Variants in GPNMB observed in about 807,000 individuals in gnomAD.
GPNMB encodes transmembrane glycoprotein NMB.
GPNMB carries 71 observed loss-of-function variants against 57.3 expected under a neutral mutation model. That is an observed-to-expected ratio of 1.24 (90% CI 1.02 to 1.51). GPNMB has a LOEUF of 1.51. GPNMB is among the 40% of genes most tolerant of loss of function. The probability of loss-of-function intolerance (pLI) is 0.00; values close to 1 mark genes in which losing one functional copy is unlikely to be tolerated. For synonymous variants in GPNMB, 253 were observed against 263.2 expected (o/e 0.96, Z 0.38); for missense variants, 677 against 691.9 (o/e 0.98, Z 0.24).
chr7:23,266,998 A>G (rs931633865), intron 7 of GPNMB, among the ~76,000 whole-genome samples: 1 of 152,214 alleles, frequency 6.6e-6, no homozygotes, highest in African/African-American at 2.4e-5. Context: ...TTGTATGTGA[A>G]AAGGGGAAAG....
At chr7:23,249,049 C>T (rs372946351) in intron 1 of GPNMB, among the ~76,000 whole-genome samples, 62 of 152,222 alleles carry the variant, frequency 4.1e-4, no homozygotes, top group African/African-American at 1.3e-3. Flanking sequence ...AATGCTAGGA[C>T]TACAGGCATG....
At chr7:23,273,373 T>G (rs941131615) in intron 9 of GPNMB, 148 bp from the exon 10 acceptor site, 1 of 612,566 alleles carries the variant, frequency 1.6e-6, no homozygotes, top group Non-Finnish European at 2.9e-6. Context: ...AAAGACTATG[T>G]ATTATTTAAT....
intron 3 of GPNMB, among the ~76,000 whole-genome samples, chr7:23,256,680 A>G (rs1003608501): frequency 1.3e-5 from 2 of 152,280 alleles, no homozygotes; most frequent in African/African-American, 4.8e-5. Flanking sequence ...ATTGCTTTGT[A>G]TAAAACCTTC....
intron 10 of GPNMB, 84 bp from the exon 11 acceptor site, chr7:23,273,981 T>A (rs1327695134): frequency 9.6e-7 from 1 of 1,036,534 alleles, no homozygotes; most frequent in Non-Finnish European, 1.4e-6. Context: ...AATCCTTTTA[T>A]ACCTGGCATG....
At chr7:23,261,516 C>G (rs1782922312) in intron 6 of GPNMB, among the ~76,000 whole-genome samples, 1 of 152,086 alleles carries the variant, frequency 6.6e-6, no homozygotes, top group East Asian at 1.9e-4. Context: ...TCATTCTGAG[C>G]AAACTATCAC....
At chr7:23,266,454 T>G in intron 6 of GPNMB, 63 bp from the exon 7 acceptor site, 1 of 1,548,778 alleles carries the variant, frequency 6.5e-7, no homozygotes, top group East Asian at 2.2e-5. Flanking sequence ...TTTTTTATTA[T>G]ATCACATGTA....
intron 6 of GPNMB, 172 bp from the exon 7 acceptor site, chr7:23,266,345 T>A (rs530610494): frequency 7.5e-5 from 47 of 623,210 alleles, no homozygotes; most frequent in African/African-American, 6.4e-4. Flanking sequence ...AGCTCTCACA[T>A]CTGTGTAAAT....
chr7:23,274,091 A>G lies in GPNMB; in HGVS notation c.1550A>G (p.Glu517Gly). The stretch of plus-strand genomic sequence containing the variant: ...AAACACAAGGAATACAACCCAATAG[A>G]AAATAGTCCTGGGAATGTGGTCAGA... ...YKKHKEYNPI[E>G]NSPGNVVRSK... The change falls in exon 11 of 11, where the codon GAA (glutamate) becomes GGA (glycine). Residue 517 changes from glutamate (E) to glycine (G), a missense_variant. Transcript: ENST00000258733. 1 of 1,612,592 alleles carries G rather than the reference A, an allele frequency of 6.2e-7. No homozygotes were observed. The highest frequency in any genetic ancestry group is 8.5e-7 in the Non-Finnish European group (1 of 1,179,056).
chr7:23,264,639 A>C (rs1169128019), intron 6 of GPNMB, among the ~76,000 whole-genome samples: 1 of 152,260 alleles, frequency 6.6e-6, no homozygotes, highest in East Asian at 1.9e-4. Flanking sequence ...AGCCTCCCAA[A>C]GTGCTGGGAT....
intron 1 of GPNMB, among the ~76,000 whole-genome samples, chr7:23,249,421 A>G (rs533543073): frequency 6.6e-6 from 1 of 151,978 alleles, no homozygotes; most frequent in South Asian, 2.1e-4. Context: ...AAGTATTCTC[A>G]TGGCTATAGA....
chr7:23,266,326 A>G, intron 6 of GPNMB, 191 bp from the exon 7 acceptor site: 1 of 582,398 alleles, frequency 1.7e-6, no homozygotes, highest in South Asian at 2.3e-5. Flanking sequence ...AGCAATTATA[A>G]TACCTTATAG....
intron 8 of GPNMB, among the ~76,000 whole-genome samples, chr7:23,268,227 G>T (rs1457876168): frequency 2.0e-5 from 3 of 152,190 alleles, no homozygotes; most frequent in Non-Finnish European, 2.9e-5. Context: ...TAATAATTAT[G>T]ATAACTGTTT....
At chr7:23,259,274 T>A (rs1002889719) in intron 4 of GPNMB, among the ~76,000 whole-genome samples, 5 of 152,206 alleles carry the variant, frequency 3.3e-5, no homozygotes, top group African/African-American at 1.2e-4. Flanking sequence ...GAATCCCCGC[T>A]CCGGGTTTAA....
rs1458076147 is a variant in GPNMB, at chr7:23,273,549, C to G, written c.1458C>G (p.Asn486Lys). The change falls in exon 10 of 11, where the codon AAC (asparagine) becomes AAG (lysine). Residue 486 changes from asparagine (N) to lysine (K), a missense_variant. Asn to Lys is a moderately conservative substitution (Grantham distance 94). Coordinates refer to ENST00000258733, the MANE Select transcript of GPNMB (RefSeq NM_002510.3). Reference protein sequence around the residue: ...RDPASPLRMANSALISVGCLA... With the variant: ...RDPASPLRMAKSALISVGCLA... ...CAGCCTCGCCTTTAAGGATGGCAAA[C>G]AGTGCCCTGATCTCCGTTGGCTGCT... is the stretch of plus-strand genomic sequence containing the variant. 1.2e-6 allele frequency: 2 copies of G among 1,613,686 alleles called. No individual in the cohort carries two copies. The highest frequency in any genetic ancestry group is 1.7e-6 in the Non-Finnish European group (2 of 1,179,556).
chr7:23,266,413 T>G, intron 6 of GPNMB, 104 bp from the exon 7 acceptor site: 3 of 1,179,976 alleles, frequency 2.5e-6, no homozygotes, highest in Non-Finnish European at 3.7e-6. Flanking sequence ...TTCCTGATAT[T>G]TTTCTAAAAA....
At chr7:23,248,065 G>T (rs1249975598) in intron 1 of GPNMB, 1 of 152,276 alleles carries the variant, frequency 6.6e-6, no homozygotes, top group Non-Finnish European at 1.5e-5. Flanking sequence ...GACAGGCTCG[G>T]GCTCCCCGCC....
intron 3 of GPNMB, 25 bp from the exon 4 acceptor site, chr7:23,256,867 A>G: frequency 1.2e-6 from 2 of 1,604,430 alleles, no homozygotes; most frequent in Non-Finnish European, 1.7e-6. Context: ...GATAACACTC[A>G]TGGCTGGTTT....
At chr7:23,273,243 G>A (rs1402622789) in intron 9 of GPNMB, 1 of 316,782 alleles carries the variant, frequency 3.2e-6, no homozygotes, top group Non-Finnish European at 5.7e-6. Flanking sequence ...ACACGGTGGC[G>A]CTGCTGGGTC....
intron 1 of GPNMB, among the ~76,000 whole-genome samples, chr7:23,251,427 C>T (rs142952485): frequency 1.4e-3 from 213 of 152,310 alleles, no homozygotes; most frequent in African/African-American, 4.8e-3. Context: ...CAATTTAAGA[C>T]CATTGGCTGA....
Sources: gnomAD v4.1 joint callset for allele counts (sites outside exome capture counted in the v4.1 genomes callset) on GRCh38, gnomAD v4.1.1 for gene constraint, MANE v1.5 for transcripts, NCBI Gene and HGNC (gene_info 2026-07-23, HGNC 2026-07-21) for gene names.